Variants in CYP7B1 observed in about 807,000 individuals in gnomAD.
The protein encoded by CYP7B1 is cytochrome P450 7B1.
In CYP7B1, 29 loss-of-function variants were observed where a neutral mutation model predicts 42.7. The ratio of observed to expected loss-of-function variants is 0.68; its 90% CI spans 0.51 to 0.93. The LOEUF (loss-of-function observed/expected upper bound fraction) is 0.93, where lower values mean the gene tolerates loss of function less well. Among genes scored for constraint, CYP7B1 ranks in the 40% least tolerant of loss-of-function variants. The pLI is 0.00. For synonymous variants in CYP7B1, 235 were observed against 218.2 expected (o/e 1.08, Z -0.68); for missense variants, 655 against 600.5 (o/e 1.09, Z -0.95).
chr8:64,679,557 T>C (rs1806504947), intron 1 of CYP7B1, among the ~76,000 whole-genome samples: 1 of 152,214 alleles, frequency 6.6e-6, no homozygotes, highest in Admixed American at 6.5e-5. Context: ...CCAACATTTT[T>C]TTCTTGCTTT....
chr8:64,655,177 T>G (rs1383513516), intron 1 of CYP7B1, among the ~76,000 whole-genome samples: 1 of 152,168 alleles, frequency 6.6e-6, no homozygotes, highest in East Asian at 1.9e-4. Flanking sequence ...AAACAGGATC[T>G]AAGTAAAACT....
chr8:64,619,219 A>G (rs1446078160), intron 2 of CYP7B1, among the ~76,000 whole-genome samples: 2 of 152,228 alleles, frequency 1.3e-5, no homozygotes, highest in Non-Finnish European at 2.9e-5. Context: ...ATACATTCAT[A>G]AAATGAATTT....
chr8:64,616,867 T>A (rs1163394778), intron 2 of CYP7B1, among the ~76,000 whole-genome samples: 1 of 152,218 alleles, frequency 6.6e-6, no homozygotes, highest in Non-Finnish European at 1.5e-5. Flanking sequence ...TTTAATAACA[T>A]GTTCAAGGTC....
intron 1 of CYP7B1, among the ~76,000 whole-genome samples, chr8:64,740,554 A>C (rs1807552374): frequency 1.3e-5 from 2 of 152,034 alleles, no homozygotes; most frequent in South Asian, 4.1e-4. Context: ...AACAAAACCA[A>C]AGGTGACTGT....
At position 64,594,175 on chromosome 8, in the gene CYP7B1, C is replaced by A. The variant is rs964118764; in HGVS notation, c.*2467G>T. ...AGCCCTGGGCTGAGATGGTTAGGCA[C>A]AGTAGTGTGAGGATAGGTGATGGAA... On this transcript the variant is annotated 3_prime_UTR_variant, in exon 6 of 6. Coordinates refer to ENST00000310193, the MANE Select transcript of CYP7B1 (RefSeq NM_004820.5). Among the ~76,000 whole-genome samples, 2 of 152,068 alleles carry A rather than the reference C, an allele frequency of 1.3e-5. No homozygotes were observed. Among genetic ancestry groups the A allele is most frequent in the Non-Finnish European group, 2.9e-5 (2 of 68,002 alleles).
At chr8:64,720,369 A>G (rs1452516089) in intron 1 of CYP7B1, among the ~76,000 whole-genome samples, 1 of 152,228 alleles carries the variant, frequency 6.6e-6, no homozygotes, top group African/African-American at 2.4e-5. Context: ...GAAAAAGTCA[A>G]GAGACTGGGA....
intron 1 of CYP7B1, among the ~76,000 whole-genome samples, chr8:64,709,486 T>A (rs1563400331): frequency 6.6e-6 from 1 of 152,240 alleles, no homozygotes; most frequent in Non-Finnish European, 1.5e-5. Context: ...CAAGTAGTGC[T>A]TTCATTACTA....
intron 1 of CYP7B1, among the ~76,000 whole-genome samples, chr8:64,668,487 C>T (rs1247797834): frequency 6.6e-6 from 1 of 151,952 alleles, no homozygotes; most frequent in Admixed American, 6.6e-5. Flanking sequence ...GTTTGCAAAG[C>T]TTCCCAACTG....
At chr8:64,665,547 T>A (rs1806262256) in intron 1 of CYP7B1, among the ~76,000 whole-genome samples, 1 of 148,642 alleles carries the variant, frequency 6.7e-6, no homozygotes, top group African/African-American at 2.5e-5. Flanking sequence ...TTAAGTGTTT[T>A]TTTTTTTGGT....
chr8:64,751,946 AT>A (rs149070575), intron 1 of CYP7B1, among the ~76,000 whole-genome samples: 6 of 152,098 alleles, frequency 3.9e-5, no homozygotes, highest in Non-Finnish European at 5.9e-5. Context: ...ATAAAAGTTT[AT>A]TTTTTTTCCT....
At chr8:64,753,008 T>A (rs1015067828) in intron 1 of CYP7B1, among the ~76,000 whole-genome samples, 1 of 152,056 alleles carries the variant, frequency 6.6e-6, no homozygotes, top group Non-Finnish European at 1.5e-5. Context: ...CAATTAACAA[T>A]CTGAAAAAGT....
chr8:64,795,787 T>C (rs1289598833), intron 1 of CYP7B1, among the ~76,000 whole-genome samples: 4 of 152,198 alleles, frequency 2.6e-5, no homozygotes, highest in Non-Finnish European at 5.9e-5. Context: ...TAAGCCACTG[T>C]CATCTCTCCT....
In CYP7B1 at chr8:64,634,436, G is replaced by A. The variant is rs191660149; in HGVS notation, c.123-9897C>T. Among the ~76,000 whole-genome samples the A allele has an allele frequency of 6.6e-3, 1,006 of 151,776 alleles. 4 individuals carry two copies. Among genetic ancestry groups the A allele is most frequent in the Middle Eastern group, 0.02 (6 of 294 alleles). On this transcript the variant is annotated intron_variant, in intron 1 of 5. Transcript: ENST00000310193. ...AATACATAAAAAAAAAAAATTCGCC[G>A]GGCATGGTGGCACACACCTGTATTC...
chr8:64,678,886 T>C (rs1806492569), intron 1 of CYP7B1, among the ~76,000 whole-genome samples: 1 of 151,286 alleles, frequency 6.6e-6, no homozygotes, highest in Admixed American at 6.6e-5. Flanking sequence ...CAATGCTGTG[T>C]GTGTGTGTGT....
intron 1 of CYP7B1, among the ~76,000 whole-genome samples, chr8:64,758,732 A>G (rs1368706661): frequency 1.3e-5 from 2 of 152,218 alleles, no homozygotes; most frequent in Admixed American, 1.3e-4. Flanking sequence ...ATCTGTAAAA[A>G]GGATGTAATT....
At chr8:64,782,852 C>G (rs1473282129) in intron 1 of CYP7B1, among the ~76,000 whole-genome samples, 2 of 152,144 alleles carry the variant, frequency 1.3e-5, no homozygotes, top group Non-Finnish European at 2.9e-5. Flanking sequence ...TTAGGGTCAT[C>G]ATGTTTTTAT....
At position 64,788,162 on chromosome 8, in the gene CYP7B1, T is replaced by G. The variant is rs149048699; in HGVS notation, c.122+10304A>C. On this transcript the variant is annotated intron_variant, in intron 1 of 5. Transcript: ENST00000310193. The stretch of plus-strand genomic sequence containing the variant: ...ATGTAAAACACAGAAAGAACCCTAA[T>G]GTAAAGCATGAACTTTAGTTAACAA... Among the ~76,000 whole-genome samples the G allele has an allele frequency of 2.1e-3, 325 of 152,336 alleles. 1 individual carries two copies. Among genetic ancestry groups the G allele is most frequent in the African/African-American group, 7.3e-3 (303 of 41,564 alleles).
intron 1 of CYP7B1, among the ~76,000 whole-genome samples, chr8:64,685,322 G>A (rs1350322686): frequency 3.7e-5 from 5 of 134,722 alleles, no homozygotes; most frequent in African/African-American, 5.6e-5. Flanking sequence ...CTGCCTGGCC[G>A]CCCATCGTCT....
At chr8:64,598,770 A>G (rs765982447) in intron 5 of CYP7B1, among the ~76,000 whole-genome samples, 8 of 152,124 alleles carry the variant, frequency 5.3e-5, no homozygotes, top group African/African-American at 1.2e-4. Context: ...GAGCAACACC[A>G]TCCCTCTAGT....
Sources: gnomAD v4.1 joint callset for allele counts (sites outside exome capture counted in the v4.1 genomes callset) on GRCh38, gnomAD v4.1.1 for gene constraint, MANE v1.5 for transcripts, NCBI Gene and HGNC (gene_info 2026-07-23, HGNC 2026-07-21) for gene names.